The following DPP10 variants were observed in gnomAD, a reference collection of about 807,000 sequenced individuals.
The protein encoded by DPP10 is dipeptidyl peptidase like 10, also known as inactive dipeptidyl peptidase 10.
In DPP10, 33 loss-of-function variants were observed where a neutral mutation model predicts 120.9. That is an observed-to-expected ratio of 0.27 (90% CI 0.21 to 0.37). DPP10 has a LOEUF of 0.37. Among genes scored for constraint, DPP10 ranks in the 10% least tolerant of loss-of-function variants. The probability of loss-of-function intolerance (pLI) is 1.00; values close to 1 mark genes in which losing one functional copy is unlikely to be tolerated. For synonymous variants in DPP10, 337 were observed against 326.1 expected (o/e 1.03, Z -0.36); for missense variants, 816 against 942.8 (o/e 0.87, Z 1.76).
chr2:114,682,045 A>G (rs1294570848), intron 1 of DPP10, among the ~76,000 whole-genome samples: 1 of 152,090 alleles, frequency 6.6e-6, no homozygotes, highest in East Asian at 1.9e-4. Flanking sequence ...CCATCCCTTC[A>G]ATGGAAGTGC....
At chr2:114,883,897 A>G (rs1691847140) in intron 1 of DPP10, among the ~76,000 whole-genome samples, 1 of 152,222 alleles carries the variant, frequency 6.6e-6, no homozygotes. Context: ...AAACATCAGG[A>G]GTATAACAAG....
intron 1 of DPP10, among the ~76,000 whole-genome samples, chr2:115,182,703 A>G (rs975570851): frequency 6.6e-6 from 1 of 152,176 alleles, no homozygotes; most frequent in Non-Finnish European, 1.5e-5. Flanking sequence ...ACTCCTTGGA[A>G]TAAGTGAAGG....
chr2:114,776,422 C>T (rs1681746917), intron 1 of DPP10, among the ~76,000 whole-genome samples: 1 of 152,092 alleles, frequency 6.6e-6, no homozygotes, highest in Non-Finnish European at 1.5e-5. Context: ...ACCTAAGGTT[C>T]CAGAGCTTCC....
At chr2:115,680,997 T>A (rs2090612871) in intron 5 of DPP10, among the ~76,000 whole-genome samples, 1 of 151,932 alleles carries the variant, frequency 6.6e-6, no homozygotes, top group Non-Finnish European at 1.5e-5. Context: ...TTTGTTGTTG[T>A]TGTTGCTGCT....
intron 1 of DPP10, among the ~76,000 whole-genome samples, chr2:115,196,678 C>T (rs1027725243): frequency 1.7e-4 from 26 of 151,882 alleles, no homozygotes; most frequent in Admixed American, 6.6e-5. Flanking sequence ...CATTTATTAC[C>T]ACTGTAAGTG....
intron 1 of DPP10, among the ~76,000 whole-genome samples, chr2:114,611,390 A>G (rs1446609778): frequency 3.9e-5 from 6 of 152,226 alleles, no homozygotes; most frequent in Non-Finnish European, 2.9e-5. Flanking sequence ...AATAATAAAT[A>G]CTGAAAATAT....
intron 3 of DPP10, among the ~76,000 whole-genome samples, chr2:115,409,379 C>T (rs990268395): frequency 1.3e-5 from 2 of 152,084 alleles, no homozygotes; most frequent in Non-Finnish European, 2.9e-5. Context: ...CACATATGAA[C>T]AGCATATACA....
intron 1 of DPP10, among the ~76,000 whole-genome samples, chr2:114,643,867 TTG>T (rs951374563): frequency 1.3e-5 from 2 of 149,806 alleles, no homozygotes; most frequent in African/African-American, 4.9e-5. Context: ...TAGTGTGTGT[TTG>T]TGTGTGTGTG....
chr2:115,361,845 G>T (rs1412120429), intron 3 of DPP10, among the ~76,000 whole-genome samples: 1 of 151,880 alleles, frequency 6.6e-6, no homozygotes, highest in Non-Finnish European at 1.5e-5. Flanking sequence ...GAGGTGTGAT[G>T]GTTCACTGGA....
intron 5 of DPP10, among the ~76,000 whole-genome samples, chr2:115,575,740 A>C (rs1346049508): frequency 6.6e-6 from 1 of 152,218 alleles, no homozygotes; most frequent in Non-Finnish European, 1.5e-5. Flanking sequence ...TGAGGCTGGA[A>C]GTCAGTTGAG....
At chr2:114,447,715 C>A (rs1573373970) in intron 1 of DPP10, among the ~76,000 whole-genome samples, 1 of 151,506 alleles carries the variant, frequency 6.6e-6, no homozygotes, top group East Asian at 2.0e-4. Flanking sequence ...AACTCTACAG[C>A]AACTGATTTC....
At chr2:114,940,069 G>T (rs1013808249) in intron 1 of DPP10, among the ~76,000 whole-genome samples, 1 of 152,038 alleles carries the variant, frequency 6.6e-6, no homozygotes, top group Non-Finnish European at 1.5e-5. Context: ...TATGTATTCT[G>T]CCAACTTCTT....
intron 1 of DPP10, among the ~76,000 whole-genome samples, chr2:115,172,709 C>G (rs2053438457): frequency 6.6e-6 from 1 of 152,186 alleles, no homozygotes; most frequent in Non-Finnish European, 1.5e-5. Context: ...AATAGGTTTA[C>G]TATCCAAGAG....
chr2:114,516,990 T>C (rs1041253466), intron 1 of DPP10, among the ~76,000 whole-genome samples: 1 of 152,352 alleles, frequency 6.6e-6, no homozygotes, highest in African/African-American at 2.4e-5. Flanking sequence ...TAACAGTTAA[T>C]ACAATTAGTT....
chr2:114,990,580 T>G (rs1486497422), intron 1 of DPP10, among the ~76,000 whole-genome samples: 1 of 152,198 alleles, frequency 6.6e-6, no homozygotes, highest in African/African-American at 2.4e-5. Context: ...ATTTAATTAT[T>G]TTTATACCCC....
intron 1 of DPP10, among the ~76,000 whole-genome samples, chr2:114,899,506 G>A (rs146877565): frequency 2.0e-5 from 3 of 152,004 alleles, no homozygotes; most frequent in South Asian, 2.1e-4. Context: ...AACTTTTGTC[G>A]TAATGAATTT....
At chr2:114,909,871 G>A (rs1331101085) in intron 1 of DPP10, among the ~76,000 whole-genome samples, 2 of 151,748 alleles carry the variant, frequency 1.3e-5, no homozygotes, top group African/African-American at 4.8e-5. Context: ...GCACACAGCA[G>A]GAAACATCTA....
chr2:115,268,920 C>CA lies in DPP10; in HGVS notation c.61-40319_61-40318insA, dbSNP rs1553535385. 3.3e-5 allele frequency among the ~76,000 whole-genome samples: 5 copies of CA among 152,016 alleles called. No homozygotes were observed. The South Asian group carries it at 6.2e-4, about 19-fold the overall frequency. ...ATCCCAGCACTTTAGGAGGCCGAGG[C>CA]GGCGGATCATGAGGTCAGGAGTTCA... is the stretch of plus-strand genomic sequence containing the variant. On this transcript the variant is annotated intron_variant, in intron 1 of 25. Coordinates refer to ENST00000410059, the MANE Select transcript of DPP10 (RefSeq NM_020868.6).
At chr2:114,561,431 ACACC>A (rs1469015082) in intron 1 of DPP10, among the ~76,000 whole-genome samples, 2 of 152,086 alleles carry the variant, frequency 1.3e-5, no homozygotes, top group Non-Finnish European at 2.9e-5. Context: ...GTGCACATAA[ACACC>A]CACACACGTA....
Sources: gnomAD v4.1 joint callset for allele counts (sites outside exome capture counted in the v4.1 genomes callset) on GRCh38, gnomAD v4.1.1 for gene constraint, MANE v1.5 for transcripts, NCBI Gene and HGNC (gene_info 2026-07-23, HGNC 2026-07-21) for gene names.